EYA4: variants seen among roughly 807,000 people sequenced by gnomAD.
The protein encoded by EYA4 is protein phosphatase EYA4.
Under a neutral mutation model 87.9 loss-of-function variants are expected in EYA4, and 31 were observed. The observed-to-expected ratio is 0.35, with a 90% confidence interval of 0.27 to 0.48. The LOEUF is 0.48. Among genes scored for constraint, EYA4 ranks in the 20% least tolerant of loss-of-function variants. The pLI, the probability that EYA4 is intolerant of heterozygous loss-of-function variation, is 0.99. For missense variants in EYA4, 678 were observed against 761.4 expected, an observed-to-expected ratio of 0.89 and a Z score of 1.29; for synonymous variants, 263 against 270.6, an observed-to-expected ratio of 0.97 and a Z score of 0.28.
chr6:133,330,545 A>T (rs1781846062), intron 2 of EYA4, among the ~76,000 whole-genome samples: 1 of 104,586 alleles, frequency 9.6e-6, no homozygotes, highest in Admixed American at 1.1e-4. Context: ...TTTTATACTG[A>T]GATTTATATA....
At chr6:133,375,853 A>T (rs1390895049) in intron 2 of EYA4, among the ~76,000 whole-genome samples, 1 of 151,924 alleles carries the variant, frequency 6.6e-6, no homozygotes. Flanking sequence ...TATTTTCGCT[A>T]AATTAGAAGC....
intron 5 of EYA4, among the ~76,000 whole-genome samples, chr6:133,450,946 T>C (rs904400407): frequency 6.6e-6 from 1 of 152,248 alleles, no homozygotes; most frequent in Non-Finnish European, 1.5e-5. Flanking sequence ...AATTATATAA[T>C]TACATCTGCA....
In EYA4 at chr6:133,391,222, G is replaced by GTTT. The variant is rs531819011; in HGVS notation, c.83+8795_83+8797dup. On this transcript the variant is annotated intron_variant, in intron 3 of 19. Transcript: ENST00000355286. ...CTATTATTTTTTGGGTTTTGTTTTT[G>GTTT]TTTTTTTTTTTTTTTTGAGATGGAG... 2.8e-3 allele frequency among the ~76,000 whole-genome samples: 249 copies of GTTT among 89,810 alleles called. 11 individuals carry two copies. The highest frequency in any genetic ancestry group is 0.013 in the Middle Eastern group (2 of 150). 58.9% of individuals were successfully genotyped at this position (89,810 alleles called of 152,430 possible).
At position 133,531,393 on chromosome 6, in the gene EYA4, C is replaced by T. The variant is rs140401218; in HGVS notation, c.*2588C>T. 585 of 589,318 alleles carry T rather than the reference C, an allele frequency of 9.9e-4. 2 individuals carry two copies. The highest frequency in any genetic ancestry group is 1.4e-3 in the Non-Finnish European group (471 of 340,186). 36.5% of individuals were successfully genotyped at this position (589,318 alleles called of 1,614,324 possible). A position where few individuals can be genotyped will look rare whatever the true frequency, so the allele number is the denominator to read the frequency against. On this transcript the variant is annotated 3_prime_UTR_variant, in exon 20 of 20. Coordinates refer to ENST00000355286, the MANE Select transcript of EYA4 (RefSeq NM_004100.5). ...TCCTCTTCCTTTCTAATCTGAAAAACGAAAACTGAACAAACACAAAACCAA... is the reference window on the plus strand; with the variant it reads ...TCCTCTTCCTTTCTAATCTGAAAAATGAAAACTGAACAAACACAAAACCAA...
chr6:133,380,656 C>T lies in EYA4; in HGVS notation c.34-1736C>T, dbSNP rs189284962. 1.8e-3 allele frequency among the ~76,000 whole-genome samples: 270 copies of T among 152,156 alleles called. 1 individual carries two copies. Among genetic ancestry groups the T allele is most frequent in the African/African-American group, 6.3e-3 (262 of 41,512 alleles). On this transcript the variant is annotated intron_variant, in intron 2 of 19. Coordinates refer to ENST00000355286, the MANE Select transcript of EYA4 (RefSeq NM_004100.5). ...TTTGGTGATAAATCATAGGCAAGAA[C>T]CAGTAGGAAAGAAGGTTCTTTTTTT... is the stretch of plus-strand genomic sequence containing the variant.
intron 1 of EYA4, among the ~76,000 whole-genome samples, chr6:133,243,436 C>CCTGCA (rs780708897): frequency 3.9e-5 from 6 of 152,076 alleles, no homozygotes; most frequent in Non-Finnish European, 1.5e-5. Context: ...AGTGCGGGCT[C>CCTGCA]CTGCGGGATT....
intron 2 of EYA4, among the ~76,000 whole-genome samples, chr6:133,294,558 TTTC>T (rs1778806713): frequency 6.6e-6 from 1 of 151,550 alleles, no homozygotes; most frequent in South Asian, 2.1e-4. Context: ...TCGAAATACA[TTTC>T]TTCTTCTTTT....
chr6:133,418,583 A>T lies in EYA4; in HGVS notation c.84-28047A>T, dbSNP rs183743776. ...TACACACAAATATTAAACTATACAT[A>T]TGTATTCTCCATACATTTCAAATAT... On this transcript the variant is annotated intron_variant, in intron 3 of 19. Coordinates refer to ENST00000355286, the MANE Select transcript of EYA4 (RefSeq NM_004100.5). Among the ~76,000 whole-genome samples the T allele has an allele frequency of 3.8e-3, 581 of 152,346 alleles. 3 individuals carry two copies. The highest frequency in any genetic ancestry group is 0.013 in the African/African-American group (536 of 41,582).
chr6:133,274,630 A>G (rs1777013601), intron 1 of EYA4, 86 bp from the exon 2 acceptor site: 1 of 686,966 alleles, frequency 1.5e-6, no homozygotes, highest in East Asian at 2.7e-5. Flanking sequence ...ACTAATTACC[A>G]TGCTATGTCT....
intron 2 of EYA4, among the ~76,000 whole-genome samples, chr6:133,295,126 G>C (rs2128304555): frequency 6.6e-6 from 1 of 152,260 alleles, no homozygotes; most frequent in African/African-American, 2.4e-5. Flanking sequence ...TGGATGGAAA[G>C]CTTATTCATG....
At chr6:133,257,032 A>G (rs1051822418) in intron 1 of EYA4, among the ~76,000 whole-genome samples, 2 of 152,164 alleles carry the variant, frequency 1.3e-5, no homozygotes, top group Non-Finnish European at 2.9e-5. Context: ...AAATTATATT[A>G]CTATGGGGAA....
chr6:133,361,473 G>T (rs1469017516), intron 2 of EYA4, among the ~76,000 whole-genome samples: 84 of 152,316 alleles, frequency 5.5e-4, no homozygotes, highest in Non-Finnish European at 8.8e-4. Flanking sequence ...GAAGTAATAA[G>T]TCTCATTATT....
intron 14 of EYA4, among the ~76,000 whole-genome samples, chr6:133,508,997 A>G (rs1471527244): frequency 2.0e-5 from 3 of 152,198 alleles, no homozygotes; most frequent in Admixed American, 2.0e-4. Flanking sequence ...AAAATAATTG[A>G]GTTTCTGCAG....
intron 13 of EYA4, among the ~76,000 whole-genome samples, chr6:133,493,182 C>T (rs1360627719): frequency 6.6e-6 from 1 of 152,104 alleles, no homozygotes; most frequent in Non-Finnish European, 1.5e-5. Context: ...AATCACATTA[C>T]CTGACTTCAA....
chr6:133,527,411 A>T (rs545144390), intron 19 of EYA4, among the ~76,000 whole-genome samples: 12 of 152,362 alleles, frequency 7.9e-5, no homozygotes, highest in African/African-American at 2.6e-4. Flanking sequence ...TTCCATAGAA[A>T]CATGTAATAT....
At chr6:133,311,092 C>A (rs188856395) in intron 2 of EYA4, among the ~76,000 whole-genome samples, 24 of 152,194 alleles carry the variant, frequency 1.6e-4, no homozygotes, top group South Asian at 1.5e-3. Flanking sequence ...CACATACATT[C>A]TCTTAGTATT....
chr6:133,301,045 G>A (rs1270037387), intron 2 of EYA4, among the ~76,000 whole-genome samples: 1 of 152,100 alleles, frequency 6.6e-6, no homozygotes, highest in Admixed American at 6.5e-5. Context: ...CGTATCATGT[G>A]TTTCATATTT....
intron 2 of EYA4, among the ~76,000 whole-genome samples, chr6:133,335,107 GC>G (rs1782266653): frequency 6.6e-6 from 1 of 152,114 alleles, no homozygotes; most frequent in Non-Finnish European, 1.5e-5. Flanking sequence ...CCTGGAAGAG[GC>G]CTTTTTGCAT....
intron 1 of EYA4, among the ~76,000 whole-genome samples, chr6:133,261,224 T>C (rs1775774357): frequency 6.6e-6 from 1 of 152,214 alleles, no homozygotes; most frequent in Admixed American, 6.5e-5. Flanking sequence ...ATCTTGTTTG[T>C]CAGAAATCTG....
Sources: allele counts gnomAD v4.1 joint callset (sites outside exome capture counted in the v4.1 genomes callset), GRCh38; gene constraint gnomAD v4.1.1; transcripts MANE v1.5; gene names NCBI Gene and HGNC (gene_info 2026-07-23, HGNC 2026-07-21).